The following SLC15A2 variants were observed in gnomAD, a reference collection of about 807,000 sequenced individuals.
SLC15A2 encodes kidney H(+)/peptide cotransporter.
SLC15A2 carries 77 observed loss-of-function variants against 95.5 expected under a neutral mutation model. The ratio of observed to expected loss-of-function variants is 0.81; its 90% CI spans 0.67 to 0.97. SLC15A2 has a LOEUF of 0.97. Ranked by LOEUF, SLC15A2 falls within the 50% of genes least tolerant of loss-of-function variation. The probability of loss-of-function intolerance (pLI) is 0.00; values close to 1 mark genes in which losing one functional copy is unlikely to be tolerated. For missense variants in SLC15A2, 893 were observed against 874.4 expected (o/e 1.02, Z -0.27); for synonymous variants, 306 against 306.9 (o/e 1.00, Z 0.03).
chr3:121,910,138 T>G (rs1709732662), intron 3 of SLC15A2, among the ~76,000 whole-genome samples: 1 of 152,070 alleles, frequency 6.6e-6, no homozygotes, highest in African/African-American at 2.4e-5. Flanking sequence ...ACAAGATCTT[T>G]TGGGAAAGTT....
In SLC15A2 at chr3:121,930,895, C is replaced by G; in HGVS notation, c.1609C>G (p.Leu537Val). The G allele has an allele frequency of 1.2e-6, 2 of 1,613,756 alleles. No individual in the cohort carries two copies. The highest frequency in any genetic ancestry group is 1.7e-6 in the Non-Finnish European group (2 of 1,179,666). The change falls in exon 18 of 22, where the codon CTC (leucine) becomes GTC (valine). Residue 537 changes from leucine to valine, a missense_variant. Physicochemically the swap from Leu to Val is conservative, Grantham distance 32. Transcript: ENST00000489711. The stretch of plus-strand genomic sequence containing the variant: ...CATCTCCCTGAGTACAGATACCTCT[C>G]TCAATGTTGGTGAAGACTATGGTGT... ...VNISLSTDTS[L>V]NVGEDYGVSA...
At chr3:121,903,957 C>T (rs572786909) in intron 3 of SLC15A2, among the ~76,000 whole-genome samples, 36 of 152,262 alleles carry the variant, frequency 2.4e-4, no homozygotes, top group South Asian at 1.9e-3. Flanking sequence ...GCCATTTTCA[C>T]GATATTGACT....
In SLC15A2 at chr3:121,913,122, T is replaced by A. The variant is rs1181056383; in HGVS notation, c.528+2T>A. The stretch of plus-strand genomic sequence containing the variant: ...GGAGACCAGTTTGAAGAAAAACATG[T>A]AAGAATCCTGTTATTTTGTATTTTC... On this transcript the variant is annotated splice_donor_variant, in intron 5 of 21. Transcript: ENST00000489711. LOFTEE classifies it high-confidence loss of function. 5.0e-6 allele frequency: 8 copies of A among 1,608,196 alleles called. No homozygotes were observed. The highest frequency in any genetic ancestry group is 6.0e-6 in the Non-Finnish European group (7 of 1,174,914).
chr3:121,934,902 G>C (rs1370891550), intron 19 of SLC15A2, among the ~76,000 whole-genome samples: 1 of 151,954 alleles, frequency 6.6e-6, no homozygotes, highest in East Asian at 1.9e-4. Context: ...CTGTGGGTTT[G>C]TCATAGATAG....
At chr3:121,899,165 G>A (rs1463018313) in intron 3 of SLC15A2, among the ~76,000 whole-genome samples, 1 of 152,136 alleles carries the variant, frequency 6.6e-6, no homozygotes, top group Non-Finnish European at 1.5e-5. Context: ...AGGATTTGGT[G>A]AGCAATTGTT....
At chr3:121,938,327 A>C (rs1400776675) in intron 19 of SLC15A2, among the ~76,000 whole-genome samples, 2 of 152,228 alleles carry the variant, frequency 1.3e-5, no homozygotes, top group Non-Finnish European at 2.9e-5. Flanking sequence ...TGTTTACCTA[A>C]GCAAGCCTGG....
chr3:121,919,010 T>A (rs2107591759), intron 7 of SLC15A2, among the ~76,000 whole-genome samples: 1 of 152,166 alleles, frequency 6.6e-6, no homozygotes, highest in Admixed American at 6.5e-5. Context: ...GCAGCTTCTG[T>A]GTTGGGTGCG....
At chr3:121,939,987 G>A (rs1404803363) in intron 20 of SLC15A2, among the ~76,000 whole-genome samples, 1 of 152,048 alleles carries the variant, frequency 6.6e-6, no homozygotes, top group Non-Finnish European at 1.5e-5. Context: ...TGTATTTTTA[G>A]TAGAGACAGG....
At chr3:121,936,395 A>T (rs569446903) in intron 19 of SLC15A2, among the ~76,000 whole-genome samples, 36 of 152,168 alleles carry the variant, frequency 2.4e-4, no homozygotes, top group African/African-American at 8.7e-4. Flanking sequence ...AATGTGTGGG[A>T]GTCTCAGTCT....
Position 121,894,459 on chromosome 3 carries a change from G to A in SLC15A2, c.-18G>A. 4 of 1,603,078 alleles carry A rather than the reference G, an allele frequency of 2.5e-6. No individual in the cohort carries two copies. The highest frequency in any genetic ancestry group is 3.4e-6 in the Non-Finnish European group (4 of 1,171,710). On this transcript the variant is annotated 5_prime_UTR_variant, in exon 1 of 22. Transcript: ENST00000489711. ...AAAGCCAAATGCTTGAGGAGAGAGA[G>A]AGAGTAAGGAGCCAGCCATGAATCC...
At chr3:121,917,966 G>A (rs1709927969) in intron 7 of SLC15A2, among the ~76,000 whole-genome samples, 1 of 152,136 alleles carries the variant, frequency 6.6e-6, no homozygotes, top group Non-Finnish European at 1.5e-5. Context: ...AGATAATGAA[G>A]GGCCTTTTAA....
chr3:121,918,945 CT>C (rs2107591705), intron 7 of SLC15A2, among the ~76,000 whole-genome samples: 1 of 152,326 alleles, frequency 6.6e-6, no homozygotes, highest in South Asian at 2.1e-4. Flanking sequence ...CTGTCTGGGC[CT>C]TGCTCTGGCC....
At chr3:121,927,881 A>G (rs1441007999) in intron 14 of SLC15A2, 42 bp downstream of exon 14, 2 of 1,438,146 alleles carry the variant, frequency 1.4e-6, no homozygotes, top group Admixed American at 1.7e-5. Context: ...GCAGGATCAT[A>G]TCTTTCTTAT....
intron 3 of SLC15A2, among the ~76,000 whole-genome samples, chr3:121,899,099 A>T (rs1709474889): frequency 6.6e-6 from 1 of 152,204 alleles, no homozygotes; most frequent in Non-Finnish European, 1.5e-5. Flanking sequence ...TACATGACAT[A>T]CCACTTTTAT....
chr3:121,927,776 T>A lies in SLC15A2; in HGVS notation c.1143T>A (p.Ala381=). The A allele has an allele frequency of 6.2e-7, 1 of 1,613,718 alleles. No individual in the cohort carries two copies. Among genetic ancestry groups the A allele is most frequent in the Non-Finnish European group, 8.5e-7 (1 of 1,179,600 alleles). The change falls in exon 14 of 22, where the codon GCT becomes GCA. Residue 381 remains alanine, a synonymous_variant. Transcript: ENST00000489711. ...ACCACAGATCACTTAGGAAAATGGCTGTTGGTATGATCCTAGCATGCCTGG... is the reference window on the plus strand; with the variant it reads ...ACCACAGATCACTTAGGAAAATGGCAGTTGGTATGATCCTAGCATGCCTGG... ...GINFSSLRKM[A]VGMILACLAF...
intron 3 of SLC15A2, among the ~76,000 whole-genome samples, chr3:121,901,088 G>A (rs1162112610): frequency 2.0e-5 from 3 of 151,750 alleles, no homozygotes; most frequent in African/African-American, 4.8e-5. Context: ...ATGCAATCTC[G>A]GCTCACTGCA....
chr3:121,906,815 G>T (rs1467740713), intron 3 of SLC15A2, among the ~76,000 whole-genome samples: 1 of 152,096 alleles, frequency 6.6e-6, no homozygotes, highest in Non-Finnish European at 1.5e-5. Flanking sequence ...TTCAACTTTG[G>T]TGAATCTGAC....
chr3:121,894,725 A>G, intron 1 of SLC15A2, 144 bp downstream of exon 1: 1 of 546,700 alleles, frequency 1.8e-6, no homozygotes, highest in Non-Finnish European at 3.2e-6. Context: ...CTGAAACCAA[A>G]TCTAAACAGA....
Position 121,923,113 on chromosome 3 carries a change from C to T in SLC15A2, c.941C>T (p.Ala314Val), listed in dbSNP as rs2107596613. The stretch of plus-strand genomic sequence containing the variant: ...TATATCCCATTGCCCATGTTCTGGG[C>T]TCTTTTGGATCAGCAGGTAAGAATA... ...FLYIPLPMFW[A>V]LLDQQGSRWT... Residue 314 changes from alanine (A) to valine (V), a missense_variant, in exon 10 of 22, where the codon GCT becomes GTT. Ala to Val is a moderately conservative substitution (Grantham distance 64). Coordinates refer to ENST00000489711, the MANE Select transcript of SLC15A2 (RefSeq NM_021082.4). 1.2e-6 allele frequency: 2 copies of T among 1,613,960 alleles called. No individual in the cohort carries two copies. The highest frequency in any genetic ancestry group is 4.5e-5 in the East Asian group (2 of 44,882).
Sources: allele counts gnomAD v4.1 joint callset (sites outside exome capture counted in the v4.1 genomes callset), GRCh38; gene constraint gnomAD v4.1.1; transcripts MANE v1.5; gene names NCBI Gene and HGNC (gene_info 2026-07-23, HGNC 2026-07-21).